Variants in MMS22L observed in about 807,000 individuals in gnomAD.
MMS22L encodes MMS22 like, DNA repair protein.
A neutral mutation model predicts 159.1 loss-of-function variants in MMS22L; 74 were observed. The observed-to-expected ratio is 0.47, with a 90% confidence interval of 0.39 to 0.56. The LOEUF (loss-of-function observed/expected upper bound fraction) is 0.56, where lower values mean the gene tolerates loss of function less well. MMS22L is among the 20% of genes least tolerant of loss of function. The probability of loss-of-function intolerance (pLI) is 0.00; values close to 1 mark genes in which losing one functional copy is unlikely to be tolerated. For synonymous variants in MMS22L, 517 were observed against 506.9 expected (o/e 1.02, Z -0.27); for missense variants, 1,351 against 1,422.1 (o/e 0.95, Z 0.80).
intron 10 of MMS22L, among the ~76,000 whole-genome samples, chr6:97,247,040 T>A (rs974880112): frequency 4.0e-5 from 6 of 151,236 alleles, no homozygotes; most frequent in Non-Finnish European, 8.8e-5. Context: ...TTTTTTTTTT[T>A]ATGCTGAGTA....
chr6:97,220,996 ACACACACG>A (rs1409433669), intron 14 of MMS22L, among the ~76,000 whole-genome samples: 4 of 143,920 alleles, frequency 2.8e-5, no homozygotes, highest in Non-Finnish European at 6.1e-5. Context: ...ACACACACAC[ACACACACG>A]TCCATTGATG....
At chr6:97,177,275 C>T (rs1804223936) in intron 18 of MMS22L, among the ~76,000 whole-genome samples, 1 of 152,104 alleles carries the variant, frequency 6.6e-6, no homozygotes, top group African/African-American at 2.4e-5. Flanking sequence ...TACTAAAATG[C>T]TTTAAATTCT....
At chr6:97,268,182 A>C (rs1815340730) in intron 7 of MMS22L, among the ~76,000 whole-genome samples, 180 bp from the exon 8 acceptor site, 2 of 151,730 alleles carry the variant, frequency 1.3e-5, no homozygotes, top group South Asian at 4.2e-4. Context: ...CATTATCTTC[A>C]AAAGTTTCTT....
At chr6:97,235,355 T>C (rs1490930125) in intron 11 of MMS22L, among the ~76,000 whole-genome samples, 1 of 152,210 alleles carries the variant, frequency 6.6e-6, no homozygotes, top group Non-Finnish European at 1.5e-5. Flanking sequence ...GTAGAGCTAT[T>C]AAGCAGATAA....
chr6:97,262,822 C>T (rs955859740), intron 9 of MMS22L, among the ~76,000 whole-genome samples: 2 of 152,130 alleles, frequency 1.3e-5, no homozygotes, highest in African/African-American at 4.8e-5. Context: ...TAGGATACTT[C>T]TCTTTTTCAA....
At chr6:97,154,327 TA>T in intron 22 of MMS22L, among the ~76,000 whole-genome samples, 1 of 152,308 alleles carries the variant, frequency 6.6e-6, no homozygotes, top group East Asian at 1.9e-4. Context: ...CACTTATTCT[TA>T]AGAGTTATTT....
chr6:97,160,055 A>G (rs978343301), intron 22 of MMS22L, among the ~76,000 whole-genome samples: 5 of 121,502 alleles, frequency 4.1e-5, no homozygotes, highest in African/African-American at 9.5e-5. Flanking sequence ...TTTTATTGTT[A>G]TTGATAAAAT....
chr6:97,243,762 G>A (rs1332576191), intron 11 of MMS22L, among the ~76,000 whole-genome samples: 4 of 152,108 alleles, frequency 2.6e-5, no homozygotes, highest in Admixed American at 6.5e-5. Flanking sequence ...CTTTTGTACT[G>A]CAGGGTGATC....
chr6:97,211,756 T>A (rs1447583626), intron 14 of MMS22L, among the ~76,000 whole-genome samples: 3 of 152,158 alleles, frequency 2.0e-5, no homozygotes, highest in Admixed American at 1.3e-4. Context: ...AGTGTATCAA[T>A]AACACAGTGC....
intron 9 of MMS22L, among the ~76,000 whole-genome samples, chr6:97,262,252 TAAAC>T (rs905619447): frequency 1.3e-5 from 2 of 152,120 alleles, no homozygotes; most frequent in African/African-American, 4.8e-5. Context: ...TTTTACTCAA[TAAAC>T]AAAAATATAT....
At chr6:97,172,080 A>G (rs1342014446) in intron 19 of MMS22L, among the ~76,000 whole-genome samples, 2 of 152,192 alleles carry the variant, frequency 1.3e-5, no homozygotes, top group Non-Finnish European at 2.9e-5. Context: ...TCAGACATTT[A>G]TCTTGGCAAA....
At chr6:97,179,860 A>G (rs12211272) in intron 16 of MMS22L, among the ~76,000 whole-genome samples, 8,371 of 152,300 alleles carry the variant, frequency 0.055, 332 homozygotes, top group Non-Finnish European at 0.083. Context: ...TGTGGCTACC[A>G]AGGAAAAAGC....
At chr6:97,146,972 TCATCCATC>T (rs1379433362) in intron 24 of MMS22L, 85 bp from the exon 25 acceptor site, 2 of 895,840 alleles carry the variant, frequency 2.2e-6, no homozygotes, top group Admixed American at 2.8e-5. Flanking sequence ...AGTCTGCCCA[TCATCCATC>T]CATCCATCTA....
chr6:97,273,141 C>T (rs576565283), intron 4 of MMS22L, 79 bp from the exon 5 acceptor site: 21 of 1,085,890 alleles, frequency 1.9e-5, no homozygotes, highest in East Asian at 2.4e-5. Context: ...TAAGCCATAC[C>T]GGCAGCAATT....
At chr6:97,168,733 C>CA (rs1803233515) in intron 19 of MMS22L, among the ~76,000 whole-genome samples, 1 of 152,092 alleles carries the variant, frequency 6.6e-6, no homozygotes, top group Non-Finnish European at 1.5e-5. Flanking sequence ...TGTTTACACT[C>CA]ACACATACAG....
intron 19 of MMS22L, among the ~76,000 whole-genome samples, chr6:97,168,731 C>T (rs991104733): frequency 1.3e-5 from 2 of 152,112 alleles, no homozygotes; most frequent in Non-Finnish European, 2.9e-5. Flanking sequence ...CCTGTTTACA[C>T]TCACACATAC....
intron 14 of MMS22L, among the ~76,000 whole-genome samples, chr6:97,189,162 G>C (rs1805580304): frequency 1.3e-5 from 2 of 151,228 alleles, no homozygotes; most frequent in South Asian, 2.1e-4. Context: ...CAACAAATGT[G>C]AACCACCTTT....
intron 23 of MMS22L, among the ~76,000 whole-genome samples, chr6:97,151,281 A>T (rs1801292516): frequency 6.6e-6 from 1 of 152,236 alleles, no homozygotes; most frequent in Non-Finnish European, 1.5e-5. Context: ...ATGTTTGGAT[A>T]CATTTAGATA....
rs1353672074 is a variant in MMS22L, at chr6:97,255,130, C to T, written c.943-397G>A. On this transcript the variant is annotated intron_variant, in intron 9 of 24. Transcript: ENST00000683635. Reference sequence around the variant, plus strand: ...TTGTAACTTGCTTCTTTGGTCAATGCTGCGTTTCTGATGAACTCATCTATA... The same window carrying T: ...TTGTAACTTGCTTCTTTGGTCAATGTTGCGTTTCTGATGAACTCATCTATA... Among the ~76,000 whole-genome samples, 5 of 152,020 alleles carry T rather than the reference C, an allele frequency of 3.3e-5. No individual in the cohort carries two copies. In the South Asian group the frequency reaches 6.2e-4, roughly 19 times the overall value.
Sources: allele counts gnomAD v4.1 joint callset (sites outside exome capture counted in the v4.1 genomes callset), GRCh38; gene constraint gnomAD v4.1.1; transcripts MANE v1.5; gene names NCBI Gene and HGNC (gene_info 2026-07-23, HGNC 2026-07-21).